The following NWD1 variants were observed in gnomAD, a reference collection of about 807,000 sequenced individuals.
NWD1 encodes NACHT and WD repeat domain containing 1, also known as NACHT domain- and WD repeat-containing protein 1.
Under a neutral mutation model 135.1 loss-of-function variants are expected in NWD1, and 129 were observed. The observed-to-expected ratio is 0.96, with a 90% CI of 0.83 to 1.11. The LOEUF (loss-of-function observed/expected upper bound fraction) is 1.11. NWD1 is among the 50% of genes least tolerant of loss of function. The probability of loss-of-function intolerance (pLI) is 0.00; values close to 1 mark genes in which losing one functional copy is unlikely to be tolerated. For synonymous variants in NWD1, 773 were observed against 786.0 expected (o/e 0.98, Z 0.28); for missense variants, 1,740 against 1,851.3 (o/e 0.94, Z 1.10).
chr19:16,726,625 A>T (rs1226363014), intron 2 of NWD1, among the ~76,000 whole-genome samples: 1 of 151,858 alleles, frequency 6.6e-6, no homozygotes, highest in Non-Finnish European at 1.5e-5. Context: ...TTTTTCATAG[A>T]GACAGGGTTT....
intron 15 of NWD1, among the ~76,000 whole-genome samples, chr19:16,797,381 A>G (rs1295832914): frequency 2.3e-5 from 3 of 131,918 alleles, no homozygotes; most frequent in East Asian, 2.3e-4. Context: ...CCCAGGCTGG[A>G]GTGTAGTGGT....
intron 4 of NWD1, among the ~76,000 whole-genome samples, chr19:16,738,772 TATAATATATAATATATA>T (rs1967951084): frequency 1.6e-5 from 1 of 61,174 alleles, no homozygotes; most frequent in Non-Finnish European, 4.0e-5. Context: ...TATAATGATA[TATAATATATAATATATA>T]ATAACATATA....
At chr19:16,736,597 G>C (rs936077246) in intron 3 of NWD1, 37 bp from the exon 4 acceptor site, 3 of 1,295,350 alleles carry the variant, frequency 2.3e-6, no homozygotes, top group Admixed American at 3.9e-5. Context: ...CACCTGTCAT[G>C]CCACCTCTCT....
intron 17 of NWD1, among the ~76,000 whole-genome samples, chr19:16,800,811 G>A (rs994746004): frequency 6.6e-6 from 1 of 152,052 alleles, no homozygotes; most frequent in Non-Finnish European, 1.5e-5. Flanking sequence ...GCTACAGTTC[G>A]GAGGTTTGGC....
intron 4 of NWD1, among the ~76,000 whole-genome samples, chr19:16,742,751 A>G (rs1266677600): frequency 6.7e-6 from 1 of 150,328 alleles, no homozygotes; most frequent in South Asian, 2.1e-4. Flanking sequence ...GCTCACCACA[A>G]CCTCCGCCTC....
At position 16,789,186 on chromosome 19, in the gene NWD1, C is replaced by G; in HGVS notation, c.2936C>G (p.Ser979Ter). The stretch of plus-strand genomic sequence containing the variant: ...AAAGTTGTGTATTCAGCATCTGGCT[C>G]AAAGGTAACAAACATATGCCCTGTT... The part of the protein sequence containing the change: ...AHKVVYSASG[S>*]KINAWNLETA... Residue 979 changes from serine (S) to a stop codon, truncating the protein, a stop_gained, in exon 13 of 19, where the codon TCA becomes TGA. Transcript: ENST00000524140. LOFTEE classifies it high-confidence loss of function. The G allele has an allele frequency of 1.2e-6, 2 of 1,611,394 alleles. No homozygotes were observed.
intron 10 of NWD1, among the ~76,000 whole-genome samples, chr19:16,771,927 C>G (rs553647504): frequency 6.6e-6 from 1 of 151,144 alleles, no homozygotes; most frequent in South Asian, 2.1e-4. Flanking sequence ...TCCCGAGTAG[C>G]TGGGATTACA....
chr19:16,816,753 C>T lies in NWD1; in HGVS notation c.*1714C>T, dbSNP rs1971078050. 1.3e-5 allele frequency: 2 copies of T among 152,164 alleles called. No homozygotes were observed. Among genetic ancestry groups the T allele is most frequent in the Non-Finnish European group, 2.9e-5 (2 of 68,036 alleles). The allele number at this position is 152,164 out of a possible 1,614,324, so 9.4% of individuals were successfully genotyped here. ...CCTGATAGAGTCTCAATAAAAGCAA[C>T]CTTAGAAACAGAGGCTTTTGAGCTG... On this transcript the variant is annotated 3_prime_UTR_variant, in exon 19 of 19. Coordinates refer to ENST00000524140, the MANE Select transcript of NWD1 (RefSeq NM_001007525.5).
intron 8 of NWD1, among the ~76,000 whole-genome samples, chr19:16,763,223 C>T (rs1425627921): frequency 1.3e-5 from 2 of 152,036 alleles, no homozygotes; most frequent in South Asian, 4.1e-4. Flanking sequence ...TTCACCTAGC[C>T]TCTCAGTCTC....
intron 18 of NWD1, among the ~76,000 whole-genome samples, chr19:16,810,617 G>T (rs374012637): frequency 1.3e-5 from 2 of 151,790 alleles, no homozygotes; most frequent in East Asian, 1.9e-4. Flanking sequence ...AAAAAAATTA[G>T]CCAGGTGTGG....
intron 11 of NWD1, 64 bp downstream of exon 11, chr19:16,773,387 C>T (rs1969485200): frequency 2.1e-6 from 3 of 1,447,394 alleles, no homozygotes; most frequent in Non-Finnish European, 2.8e-6. Context: ...CAGTGAAGGC[C>T]AGGTGTTTGA....
At chr19:16,745,573 A>T (rs138025801) in intron 5 of NWD1, among the ~76,000 whole-genome samples, 3,241 of 152,012 alleles carry the variant, frequency 0.021, 99 homozygotes, top group African/African-American at 0.071. Flanking sequence ...TACAAAAAAA[A>T]AAAAAAACTT....
chr19:16,728,957 A>G (rs1023340705), intron 2 of NWD1, among the ~76,000 whole-genome samples: 1 of 149,954 alleles, frequency 6.7e-6, no homozygotes, highest in Non-Finnish European at 1.5e-5. Context: ...AAAAAAAAAA[A>G]AAAAAAATAA....
At chr19:16,744,292 A>T in intron 4 of NWD1, 129 bp from the exon 5 acceptor site, 1 of 701,288 alleles carries the variant, frequency 1.4e-6, no homozygotes, top group Non-Finnish European at 2.4e-6. Context: ...TGGGAGGATC[A>T]CTTAAACCCA....
chr19:16,810,452 A>G (rs868480926), intron 18 of NWD1, among the ~76,000 whole-genome samples: 36 of 150,580 alleles, frequency 2.4e-4, no homozygotes, highest in Admixed American at 7.3e-4. Flanking sequence ...AAAAAAAAAA[A>G]AAAAAGAAAG....
At chr19:16,720,562 CT>C (rs963112481) in intron 1 of NWD1, among the ~76,000 whole-genome samples, 54 of 149,116 alleles carry the variant, frequency 3.6e-4, no homozygotes, top group Admixed American at 4.7e-4. Flanking sequence ...TCTAGGGAGA[CT>C]TTTTTTTTTT....
intron 12 of NWD1, among the ~76,000 whole-genome samples, chr19:16,779,825 G>A (rs1392101247): frequency 2.0e-5 from 3 of 151,938 alleles, no homozygotes; most frequent in African/African-American, 4.8e-5. Context: ...TTTTAGAAAT[G>A]GGGTCTTGCT....
At chr19:16,811,898 C>T (rs1399069970) in intron 18 of NWD1, among the ~76,000 whole-genome samples, 1 of 152,040 alleles carries the variant, frequency 6.6e-6, no homozygotes. Context: ...AGCTTGTAGT[C>T]CCAGCTACCT....
intron 12 of NWD1, among the ~76,000 whole-genome samples, chr19:16,782,568 A>G (rs2123009090): frequency 6.6e-6 from 1 of 152,328 alleles, no homozygotes; most frequent in South Asian, 2.1e-4. Flanking sequence ...TAAAAAATTT[A>G]AAGGGGTGCC....
Sources: allele counts gnomAD v4.1 joint callset (sites outside exome capture counted in the v4.1 genomes callset), GRCh38; gene constraint gnomAD v4.1.1; transcripts MANE v1.5; gene names NCBI Gene and HGNC (gene_info 2026-07-23, HGNC 2026-07-21).